LTBP1: variants seen among roughly 807,000 people sequenced by gnomAD.
LTBP1 encodes latent-transforming growth factor beta-binding protein 1.
A neutral mutation model predicts 207.6 loss-of-function variants in LTBP1; 129 were observed. The observed-to-expected ratio is 0.62, with a 90% CI of 0.54 to 0.72. The LOEUF (loss-of-function observed/expected upper bound fraction) is 0.72. Ranked by LOEUF, LTBP1 falls within the 30% of genes least tolerant of loss-of-function variation. LTBP1 has a pLI of 0.00. For synonymous variants in LTBP1, 963 were observed against 833.7 expected (o/e 1.16, Z -2.67); for missense variants, 2,281 against 2,217.2 (o/e 1.03, Z -0.58).
intron 26 of LTBP1, among the ~76,000 whole-genome samples, chr2:33,358,289 T>A (rs901496625): frequency 2.6e-5 from 4 of 152,152 alleles, no homozygotes; most frequent in Admixed American, 2.6e-4. Context: ...AAATAATCTC[T>A]TTCTCCAAAA....
chr2:33,161,547 G>A (rs746820998), intron 5 of LTBP1, among the ~76,000 whole-genome samples: 4 of 152,132 alleles, frequency 2.6e-5, no homozygotes, highest in Admixed American at 6.5e-5. Context: ...CATTACAGGC[G>A]TGAGCCACCA....
At position 33,293,170 on chromosome 2, in the gene LTBP1, G is replaced by C; in HGVS notation, c.3123G>C (p.Glu1041Asp). ...GWNGQCLDVDECLEPNVCANG... is the reference protein window; with the variant it reads ...GWNGQCLDVDDCLEPNVCANG... ...GCAACATTCTTCAAGATGTGGACGA[G>C]TGCCTGGAACCAAACGTCTGCGCAA... Residue 1041 changes from glutamate (E) to aspartate (D), a missense_variant, in exon 20 of 34, where the codon GAG (glutamate) becomes GAC (aspartate). By Grantham distance (45) the Glu-to-Asp change is conservative (BLOSUM62 2). Coordinates refer to ENST00000404816, the MANE Select transcript of LTBP1 (RefSeq NM_206943.4). The C allele has an allele frequency of 6.2e-7, 1 of 1,612,838 alleles. No homozygotes were observed. The highest frequency in any genetic ancestry group is 8.5e-7 in the Non-Finnish European group (1 of 1,179,670).
chr2:33,007,091 G>A (rs1014241213), intron 2 of LTBP1, among the ~76,000 whole-genome samples: 4 of 152,190 alleles, frequency 2.6e-5, no homozygotes, highest in African/African-American at 9.7e-5. Flanking sequence ...TTGAGACGGA[G>A]TCTCACTCTG....
At chr2:32,960,469 A>G (rs1222155635) in intron 2 of LTBP1, among the ~76,000 whole-genome samples, 2 of 152,164 alleles carry the variant, frequency 1.3e-5, no homozygotes, top group African/African-American at 4.8e-5. Context: ...AAGCTCCTAT[A>G]TAGTAGGTTT....
Position 33,360,309 on chromosome 2 carries a change from A to C in LTBP1, c.4001-288A>C, listed in dbSNP as rs985767172. Among the ~76,000 whole-genome samples, 8 of 152,346 alleles carry C rather than the reference A, an allele frequency of 5.3e-5. No homozygotes were observed. In the South Asian group the frequency reaches 1.7e-3, roughly 32 times the overall value. ...TGTTTGGCAAGAAAAGGAGATATGG[A>C]AACTCTACTCACAGCCAAATCTGCA... On this transcript the variant is annotated intron_variant, in intron 26 of 33. Coordinates refer to ENST00000404816, the MANE Select transcript of LTBP1 (RefSeq NM_206943.4).
At chr2:33,171,330 A>C (rs1464606452) in intron 5 of LTBP1, among the ~76,000 whole-genome samples, 1 of 140,704 alleles carries the variant, frequency 7.1e-6, no homozygotes, top group Non-Finnish European at 1.6e-5. Context: ...GATGGAGCTG[A>C]AAGCCAAGGC....
intron 2 of LTBP1, among the ~76,000 whole-genome samples, chr2:32,964,933 G>A (rs1038463863): frequency 5.3e-5 from 8 of 152,106 alleles, no homozygotes; most frequent in African/African-American, 1.4e-4. Flanking sequence ...CCAGCTACTC[G>A]GGAGGCTGAG....
intron 31 of LTBP1, among the ~76,000 whole-genome samples, chr2:33,368,193 C>G (rs1471464000): frequency 6.6e-6 from 1 of 151,052 alleles, no homozygotes; most frequent in South Asian, 2.1e-4. Flanking sequence ...GGCGACAGAG[C>G]GAGACTCTGT....
intron 10 of LTBP1, among the ~76,000 whole-genome samples, chr2:33,245,367 G>A (rs1483217946): frequency 3.3e-5 from 5 of 152,170 alleles, no homozygotes; most frequent in African/African-American, 1.2e-4. Context: ...AAAGACAAAT[G>A]TAGTAAAATA....
chr2:33,279,677 C>G (rs561623500), intron 18 of LTBP1, among the ~76,000 whole-genome samples: 2 of 152,204 alleles, frequency 1.3e-5, no homozygotes, highest in Non-Finnish European at 2.9e-5. Flanking sequence ...CTTCCTCACA[C>G]TCACCCCCAT....
At chr2:33,180,423 A>C in intron 5 of LTBP1, among the ~76,000 whole-genome samples, 1 of 150,022 alleles carries the variant, frequency 6.7e-6, no homozygotes. Flanking sequence ...AAAGGCAAGC[A>C]TATAGGTTTG....
At chr2:33,165,164 T>C (rs2084810886) in intron 5 of LTBP1, among the ~76,000 whole-genome samples, 1 of 152,184 alleles carries the variant, frequency 6.6e-6, no homozygotes, top group African/African-American at 2.4e-5. Context: ...TGGTTGAATA[T>C]GCATATCAGA....
intron 31 of LTBP1, among the ~76,000 whole-genome samples, chr2:33,372,166 G>A (rs1009778610): frequency 2.0e-5 from 3 of 152,118 alleles, no homozygotes; most frequent in Admixed American, 6.5e-5. Flanking sequence ...CAGTGGTCAC[G>A]TACCAGTAAG....
rs2081037681 is a variant in LTBP1, at chr2:33,120,411, T to C, written c.1033+9660T>C. ...TGTTCATAAGTTCTTATCATTTAGC[T>C]CCCACTTACAAGTGTGAGAACATGT... is the stretch of plus-strand genomic sequence containing the variant. On this transcript the variant is annotated intron_variant, in intron 4 of 33. Transcript: ENST00000404816. Among the ~76,000 whole-genome samples, 3 of 152,182 alleles carry C rather than the reference T, an allele frequency of 2.0e-5. No homozygotes were observed. In the South Asian group the frequency reaches 6.2e-4, roughly 32 times the overall value.
intron 29 of LTBP1, 60 bp from the exon 30 acceptor site, chr2:33,364,156 A>G: frequency 3.3e-6 from 5 of 1,532,188 alleles, no homozygotes; most frequent in Non-Finnish European, 4.4e-6. Context: ...AAGTTTGGGA[A>G]GTGTATGAGG....
intron 25 of LTBP1, among the ~76,000 whole-genome samples, chr2:33,344,863 C>T (rs2094680910): frequency 6.6e-6 from 1 of 152,096 alleles, no homozygotes; most frequent in Non-Finnish European, 1.5e-5. Context: ...TTGAACCATA[C>T]CTGGAAACCA....
intron 2 of LTBP1, among the ~76,000 whole-genome samples, chr2:33,016,911 G>A (rs1212892045): frequency 6.6e-6 from 1 of 152,132 alleles, no homozygotes; most frequent in Non-Finnish European, 1.5e-5. Context: ...CAGCTACTTG[G>A]GAGGCTGAGG....
chr2:33,150,414 A>G (rs563687231), intron 5 of LTBP1, among the ~76,000 whole-genome samples: 2 of 152,320 alleles, frequency 1.3e-5, no homozygotes, highest in East Asian at 3.9e-4. Context: ...TAAAATATAC[A>G]TAACACAAAA....
chr2:33,003,165 A>G (rs1686293371), intron 2 of LTBP1, among the ~76,000 whole-genome samples: 1 of 152,150 alleles, frequency 6.6e-6, no homozygotes, highest in Non-Finnish European at 1.5e-5. Flanking sequence ...GAATGACGAC[A>G]TGTGCTTGGC....
Sources: allele counts gnomAD v4.1 joint callset (sites outside exome capture counted in the v4.1 genomes callset), GRCh38; gene constraint gnomAD v4.1.1; transcripts MANE v1.5; gene names NCBI Gene and HGNC (gene_info 2026-07-23, HGNC 2026-07-21).